The following ERCC6 variants were observed in gnomAD, a reference collection of about 807,000 sequenced individuals.
The protein encoded by ERCC6 is DNA excision repair protein ERCC-6.
In ERCC6, 116 loss-of-function variants were observed where a neutral mutation model predicts 158.7. That is an observed-to-expected ratio of 0.73 (90% CI 0.63 to 0.85). The LOEUF is 0.85. Ranked by LOEUF, ERCC6 falls within the 40% of genes least tolerant of loss-of-function variation. ERCC6 has a pLI of 0.00. For missense variants in ERCC6, 1,698 were observed against 1,799.4 expected (o/e 0.94, Z 1.02); for synonymous variants, 678 against 659.3 (o/e 1.03, Z -0.43).
chr10:49,452,215 C>T (rs142608973), downstream of ERCC6, among the ~76,000 whole-genome samples: 196 of 151,928 alleles, frequency 1.3e-3, no homozygotes, highest in Non-Finnish European at 2.5e-3. Flanking sequence ...TTTATTTCTT[C>T]CTTAATACAG....
chr10:49,470,839 G>A lies in ERCC6; in HGVS notation c.3121C>T (p.Gln1041Ter). Residue 1041 changes from glutamine to a stop codon, truncating the protein, a stop_gained, in exon 18 of 21, where the codon CAA becomes TAA. Coordinates refer to ENST00000355832, the MANE Select transcript of ERCC6 (RefSeq NM_000124.4). LOFTEE classifies it high-confidence loss of function. ...TCATGGTCTGCTCCAAAGGCTGGTT[G>A]AATCCTTCTTTTTAGATGGCATTTG... ...TPKCHLKRRI[Q>*]PAFGADHDVP... The A allele has an allele frequency of 6.2e-7, 1 of 1,614,094 alleles. No homozygotes were observed. The highest frequency in any genetic ancestry group is 8.5e-7 in the Non-Finnish European group (1 of 1,180,000).
At chr10:49,474,643 T>C (rs1850843315) in intron 12 of ERCC6, among the ~76,000 whole-genome samples, 1 of 152,206 alleles carries the variant, frequency 6.6e-6, no homozygotes, top group Non-Finnish European at 1.5e-5. Flanking sequence ...ATGTGACTTA[T>C]CAAATGCATT....
At chr10:49,436,019 A>AG in the ERCC6 span, among the ~76,000 whole-genome samples, 1 of 46,692 alleles carries the variant, frequency 2.1e-5, no homozygotes, top group Admixed American at 2.2e-4. Context: ...AAAGAAAGAA[A>AG]AAAAAAAAAA....
intron 10 of ERCC6, among the ~76,000 whole-genome samples, chr10:49,482,269 T>C (rs890604547): frequency 8.5e-5 from 13 of 152,152 alleles, no homozygotes; most frequent in Non-Finnish European, 1.2e-4. Flanking sequence ...GTGTCCCCTT[T>C]TCTAAGTTTC....
In ERCC6 at chr10:49,482,812, G is replaced by A. The variant is rs753133270; in HGVS notation, c.2044C>T (p.Leu682Phe). 5.6e-6 allele frequency: 9 copies of A among 1,614,082 alleles called. No individual in the cohort carries two copies. The highest frequency in any genetic ancestry group is 7.6e-6 in the Non-Finnish European group (9 of 1,180,000). ...ILSGSPMQNNLRELWSLFDFI... is the reference protein window; with the variant it reads ...ILSGSPMQNNFRELWSLFDFI... ...TCAAAGAGCGACCACAGCTCTCGGAGGTTATTTTGCATCGGTGAGCCAGAC... is the reference window on the plus strand; with the variant it reads ...TCAAAGAGCGACCACAGCTCTCGGAAGTTATTTTGCATCGGTGAGCCAGAC... The change falls in exon 10 of 21, where the codon CTC becomes TTC. Residue 682 changes from leucine to phenylalanine, a missense_variant. Leu to Phe is a conservative substitution (Grantham distance 22). Transcript: ENST00000355832.
Position 49,532,611 on chromosome 10 carries a change from A to G in ERCC6, c.354T>C (p.His118=). The G allele has an allele frequency of 6.2e-7, 1 of 1,614,186 alleles. No individual in the cohort carries two copies. Among genetic ancestry groups the G allele is most frequent in the South Asian group, 1.1e-5 (1 of 91,076 alleles). Residue 118 remains histidine, a synonymous_variant, in exon 2 of 21, where the codon CAT becomes CAC. Transcript: ENST00000355832. ...GVLQQVDNAI[H]EASRASQLVD... is the part of the protein sequence containing the mutation. The stretch of plus-strand genomic sequence containing the variant: ...CGAGCTGGGAGGCACGGCTGGCCTC[A>G]TGGATGGCATTGTCCACCTGCTGAA...
At chr10:49,538,925 C>G (rs41547818) in intron 1 of ERCC6, 37 bp downstream of exon 1, 2 of 152,704 alleles carry the variant, frequency 1.3e-5, no homozygotes, top group East Asian at 1.9e-4. Flanking sequence ...CCCGACACCC[C>G]CTGCCCGACA....
intron 10 of ERCC6, 62 bp downstream of exon 10, chr10:49,482,625 G>C: frequency 7.0e-7 from 1 of 1,419,368 alleles, no homozygotes; most frequent in Non-Finnish European, 9.8e-7. Context: ...ACAAATTATA[G>C]TATTTAATAG....
At chr10:49,538,690 G>T (rs774234731) in intron 1 of ERCC6, among the ~76,000 whole-genome samples, 5 of 152,190 alleles carry the variant, frequency 3.3e-5, no homozygotes, top group Non-Finnish European at 7.3e-5. Flanking sequence ...CTGCGCGCAG[G>T]GGGCCTTATA....
At chr10:49,497,565 G>GA (rs1218938187) in intron 7 of ERCC6, among the ~76,000 whole-genome samples, 5 of 152,084 alleles carry the variant, frequency 3.3e-5, no homozygotes, top group African/African-American at 7.2e-5. Context: ...CCCCTTAGTA[G>GA]AAAAAATTGG....
chr10:49,441,517 A>G, the ERCC6 span, among the ~76,000 whole-genome samples: 1 of 152,254 alleles, frequency 6.6e-6, no homozygotes, highest in Non-Finnish European at 1.5e-5. Context: ...AACTCGGGAC[A>G]GCTGTTTACA....
chr10:49,492,999 A>T (rs558287925), intron 8 of ERCC6, 118 bp downstream of exon 8: 1 of 1,044,844 alleles, frequency 9.6e-7, no homozygotes, highest in Non-Finnish European at 1.4e-6. Context: ...TTAACTTTAA[A>T]TGCAGGAAAA....
chr10:49,481,944 A>G (rs549604424), intron 10 of ERCC6, among the ~76,000 whole-genome samples: 1 of 152,276 alleles, frequency 6.6e-6, no homozygotes, highest in African/African-American at 2.4e-5. Flanking sequence ...ACTACCCTGT[A>G]GCCTGAGGAA....
At chr10:49,440,879 G>A in the ERCC6 span, among the ~76,000 whole-genome samples, 1 of 152,208 alleles carries the variant, frequency 6.6e-6, no homozygotes, top group East Asian at 1.9e-4. Context: ...AGCAGAAGCT[G>A]TAGTCACAGA....
rs115385326 is a variant in ERCC6 at position 49,505,597 on chromosome 10, A to G, written c.1526+287T>C. 1,423 of 280,014 alleles carry G rather than the reference A, an allele frequency of 5.1e-3. 20 individuals are homozygous for G. Among genetic ancestry groups the G allele is most frequent in the African/African-American group, 0.028 (1,298 of 45,916 alleles). The allele number at this position is 280,014 out of a possible 1,614,324, so 17.3% of individuals were successfully genotyped here. A position where few individuals can be genotyped will look rare whatever the true frequency, so the allele number is the denominator to read the frequency against. ...TAAAATTACTAAGAACAAAAAAATT[A>G]TTCAACATAAATGGCTTTTAAATGT... On this transcript the variant is annotated intron_variant, in intron 6 of 20. Transcript: ENST00000355832.
At chr10:49,534,623 T>C (rs996901687) in intron 1 of ERCC6, among the ~76,000 whole-genome samples, 3 of 152,166 alleles carry the variant, frequency 2.0e-5, no homozygotes, top group African/African-American at 7.2e-5. Flanking sequence ...TAAGGGGGAA[T>C]GTTCACATTG....
At chr10:49,531,267 A>C (rs955964022) in intron 2 of ERCC6, among the ~76,000 whole-genome samples, 2 of 152,248 alleles carry the variant, frequency 1.3e-5, no homozygotes, top group African/African-American at 4.8e-5. Flanking sequence ...TTTTTTATAT[A>C]AATCACACAT....
At chr10:49,516,101 T>C (rs771999892) in intron 5 of ERCC6, 1 of 1,614,112 alleles carries the variant, frequency 6.2e-7, no homozygotes, top group South Asian at 1.1e-5. Context: ...CCTCTGTAAG[T>C]GCCTCACTAA....
At chr10:49,508,054 C>CATAAT (rs1564432972) in intron 5 of ERCC6, among the ~76,000 whole-genome samples, 1 of 152,092 alleles carries the variant, frequency 6.6e-6, no homozygotes, top group Non-Finnish European at 1.5e-5. Context: ...AGAGAGTCCT[C>CATAAT]GGTATCAAAA....
Sources: allele counts gnomAD v4.1 joint callset (sites outside exome capture counted in the v4.1 genomes callset), GRCh38; gene constraint gnomAD v4.1.1; transcripts MANE v1.5; gene names NCBI Gene and HGNC (gene_info 2026-07-23, HGNC 2026-07-21).